The following SLIT3 variants were observed in gnomAD, a reference collection of about 807,000 sequenced individuals.
SLIT3 encodes slit guidance ligand 3.
A neutral mutation model predicts 184.0 loss-of-function variants in SLIT3; 68 were observed. The observed-to-expected ratio is 0.37, with a 90% CI of 0.30 to 0.45. The LOEUF is 0.45. Among genes scored for constraint, SLIT3 ranks in the 20% least tolerant of loss-of-function variants. The probability of loss-of-function intolerance (pLI) is 1.00; values close to 1 mark genes in which losing one functional copy is unlikely to be tolerated. For synonymous variants in SLIT3, 831 were observed against 828.6 expected, an observed-to-expected ratio of 1.00 and a Z score of -0.05; for missense variants, 1,707 against 2,026.0, an observed-to-expected ratio of 0.84 and a Z score of 3.02.
chr5:169,296,775 T>C (rs1301247430), intron 1 of SLIT3, among the ~76,000 whole-genome samples: 1 of 152,230 alleles, frequency 6.6e-6, no homozygotes, highest in Non-Finnish European at 1.5e-5. Context: ...CTTTCGCCCG[T>C]TCTCCTTCGC....
intron 13 of SLIT3, 89 bp from the exon 14 acceptor site, chr5:168,773,033 T>A (rs1581065483): frequency 7.4e-7 from 1 of 1,359,288 alleles, no homozygotes; most frequent in East Asian, 2.4e-5. Flanking sequence ...GCCCTGGCAA[T>A]CCACTGCAAG....
chr5:168,849,902 G>T (rs1449570640), intron 5 of SLIT3, among the ~76,000 whole-genome samples: 3 of 152,108 alleles, frequency 2.0e-5, no homozygotes, highest in Admixed American at 2.0e-4. Context: ...GCCTTGACAT[G>T]CTATTTCTTT....
intron 4 of SLIT3, among the ~76,000 whole-genome samples, chr5:168,986,718 A>T (rs1755144882): frequency 6.6e-6 from 1 of 152,130 alleles, no homozygotes; most frequent in Admixed American, 6.5e-5. Context: ...TGACTCCTTT[A>T]TTATGAATGT....
intron 32 of SLIT3, among the ~76,000 whole-genome samples, chr5:168,678,044 C>T (rs1021460715): frequency 3.3e-5 from 5 of 152,174 alleles, no homozygotes; most frequent in Admixed American, 6.6e-5. Flanking sequence ...GGGAAGGAAG[C>T]TAAGTAACCC....
chr5:169,216,220 G>A (rs1423530398), intron 3 of SLIT3, among the ~76,000 whole-genome samples: 2 of 152,156 alleles, frequency 1.3e-5, no homozygotes, highest in Non-Finnish European at 2.9e-5. Flanking sequence ...CAGGGGTCAG[G>A]TGGCTAGTGC....
intron 4 of SLIT3, among the ~76,000 whole-genome samples, chr5:168,889,468 C>T (rs1214053644): frequency 6.6e-6 from 1 of 152,174 alleles, no homozygotes; most frequent in African/African-American, 2.4e-5. Flanking sequence ...CAATTATTTC[C>T]CACTGCTCCA....
At chr5:169,134,571 C>T (rs1010455803) in intron 4 of SLIT3, among the ~76,000 whole-genome samples, 2 of 152,034 alleles carry the variant, frequency 1.3e-5, no homozygotes, top group African/African-American at 2.4e-5. Context: ...GCCCTGATGG[C>T]AGGGAACATC....
chr5:168,946,400 C>T (rs1353498562), intron 4 of SLIT3, among the ~76,000 whole-genome samples: 1 of 152,218 alleles, frequency 6.6e-6, no homozygotes, highest in African/African-American at 2.4e-5. Context: ...GGGCTGGAGA[C>T]ATTGGGCCCC....
At chr5:168,824,396 G>A (rs1033077255) in intron 6 of SLIT3, among the ~76,000 whole-genome samples, 7 of 152,196 alleles carry the variant, frequency 4.6e-5, no homozygotes, top group Admixed American at 4.6e-4. Flanking sequence ...CTCCATAAAT[G>A]AACCAGACTG....
chr5:169,154,531 G>A (rs1003566733), intron 4 of SLIT3, among the ~76,000 whole-genome samples: 3 of 152,244 alleles, frequency 2.0e-5, no homozygotes, highest in African/African-American at 7.2e-5. Flanking sequence ...TCCTGAGAGA[G>A]GGACTGTTGA....
intron 6 of SLIT3, among the ~76,000 whole-genome samples, chr5:168,842,871 T>C (rs527866475): frequency 9.9e-5 from 15 of 152,162 alleles, no homozygotes; most frequent in Admixed American, 2.6e-4. Flanking sequence ...TTTCTCATTC[T>C]CTCTGTCAAG....
chr5:169,257,863 T>TTTC (rs138754606), intron 1 of SLIT3, among the ~76,000 whole-genome samples: 1,623 of 152,098 alleles, frequency 0.011, 41 homozygotes, highest in African/African-American at 0.037. Context: ...CCTTCCATGC[T>TTTC]TTCTTCTTCT....
At chr5:168,754,363 G>T (rs1420703830) in intron 16 of SLIT3, among the ~76,000 whole-genome samples, 1 of 152,204 alleles carries the variant, frequency 6.6e-6, no homozygotes, top group African/African-American at 2.4e-5. Context: ...GGAGGTCACT[G>T]TGTTAAGTGA....
intron 5 of SLIT3, among the ~76,000 whole-genome samples, chr5:168,872,207 G>T (rs942945520): frequency 2.0e-5 from 3 of 152,158 alleles, no homozygotes; most frequent in African/African-American, 7.2e-5. Flanking sequence ...GAATTTACCT[G>T]CATGATTAAA....
At chr5:168,861,562 AATCTAAT>A (rs1176540336) in intron 5 of SLIT3, among the ~76,000 whole-genome samples, 1 of 152,166 alleles carries the variant, frequency 6.6e-6, no homozygotes, top group Non-Finnish European at 1.5e-5. Context: ...CATTTCAGGA[AATCTAAT>A]TGCATTAAGG....
In SLIT3 at chr5:169,197,433, AC is replaced by A; in HGVS notation, c.342-3884del. 2.6e-5 allele frequency among the ~76,000 whole-genome samples: 4 copies of A among 152,222 alleles called. No homozygotes were observed. In the Middle Eastern group the frequency reaches 0.014, roughly 518 times the overall value. ...ATGAAGGCTCCAAGCTGCATAAGGT[AC>A]ACTTCCCATGTGGCTTCTGTGAAAG... On this transcript the variant is annotated intron_variant, in intron 3 of 35. Coordinates refer to ENST00000519560, the MANE Select transcript of SLIT3 (RefSeq NM_003062.4).
chr5:168,977,684 T>TA (rs1754814654), intron 4 of SLIT3, among the ~76,000 whole-genome samples: 1 of 152,208 alleles, frequency 6.6e-6, no homozygotes, highest in Admixed American at 6.5e-5. Context: ...CTGCAAGCCT[T>TA]GTTTTTCAAC....
Position 168,708,010 on chromosome 5 carries a change from T to C in SLIT3, c.2810A>G (p.Glu937Gly). The C allele has an allele frequency of 6.2e-7, 1 of 1,614,118 alleles. No homozygotes were observed. The highest frequency in any genetic ancestry group is 8.5e-7 in the Non-Finnish European group (1 of 1,180,008). ...GTAGGGGCAGGCACAGCGGTACAGC[T>C]CCACAGGGTCCTGGGTGCATGTCCC... ...NNGTCTQDPV[E>G]LYRCACPYSY... The change falls in exon 26 of 36, where the codon GAG becomes GGG. Residue 937 changes from glutamate to glycine, a missense_variant. Glu to Gly is a moderately conservative substitution (Grantham distance 98). This residue lies in a region of SLIT3 where 1,307 missense variants were observed against 1,511.6 expected (regional missense o/e 0.86). Coordinates refer to ENST00000519560, the MANE Select transcript of SLIT3 (RefSeq NM_003062.4).
At chr5:169,208,563 C>A (rs547500075) in intron 3 of SLIT3, among the ~76,000 whole-genome samples, 1 of 152,112 alleles carries the variant, frequency 6.6e-6, no homozygotes, top group African/African-American at 2.4e-5. Context: ...ACCAAAACAG[C>A]ATGGTACTGG....
Sources: allele counts gnomAD v4.1 joint callset (sites outside exome capture counted in the v4.1 genomes callset), GRCh38; gene constraint gnomAD v4.1.1; regional missense constraint gnomAD v4.1.1; transcripts MANE v1.5; gene names NCBI Gene and HGNC (gene_info 2026-07-23, HGNC 2026-07-21).